Variants in CSMD1 observed in about 807,000 individuals in gnomAD.
CSMD1 encodes CUB and Sushi multiple domains 1.
CSMD1 carries 213 observed loss-of-function variants against 417.5 expected under a neutral mutation model. The observed-to-expected ratio is 0.51, with a 90% CI of 0.46 to 0.57. CSMD1 has a LOEUF of 0.57. Among genes scored for constraint, CSMD1 ranks in the 20% least tolerant of loss-of-function variants. The pLI, the probability that CSMD1 is intolerant of heterozygous loss-of-function variation, is 0.00. For missense variants in CSMD1, 6,923 were observed against 4,529.7 expected (o/e 1.53, Z -15.17); for synonymous variants, 2,862 against 1,736.8 (o/e 1.65, Z -16.11).
intron 3 of CSMD1, among the ~76,000 whole-genome samples, chr8:4,287,809 T>C (rs1024185514): frequency 1.2e-4 from 18 of 151,972 alleles, no homozygotes; most frequent in African/African-American, 3.1e-4. Context: ...CTCCAACCTC[T>C]CTGTGGCCCA....
At chr8:4,186,442 G>A (rs755244203) in intron 3 of CSMD1, among the ~76,000 whole-genome samples, 16 of 151,980 alleles carry the variant, frequency 1.1e-4, no homozygotes, top group South Asian at 2.1e-4. Context: ...CAGAGCCCAG[G>A]TTTCCACCTT....
chr8:3,547,343 T>G (rs139669080), intron 10 of CSMD1, among the ~76,000 whole-genome samples: 1 of 152,296 alleles, frequency 6.6e-6, no homozygotes, highest in Non-Finnish European at 1.5e-5. Flanking sequence ...AATGTAAAAT[T>G]TGTACGGTCG....
chr8:4,793,796 G>A (rs1797825109), intron 1 of CSMD1, among the ~76,000 whole-genome samples: 1 of 147,744 alleles, frequency 6.8e-6, no homozygotes, highest in Admixed American at 6.9e-5. Flanking sequence ...GACAAATCAT[G>A]GTCAGTGATC....
At chr8:4,587,640 C>G (rs1195909098) in intron 2 of CSMD1, among the ~76,000 whole-genome samples, 2 of 152,118 alleles carry the variant, frequency 1.3e-5, no homozygotes, top group African/African-American at 4.8e-5. Flanking sequence ...TGATCACGAT[C>G]TCATTTACTG....
intron 5 of CSMD1, among the ~76,000 whole-genome samples, chr8:3,871,513 A>G (rs1805479935): frequency 1.3e-5 from 2 of 152,330 alleles, no homozygotes; most frequent in East Asian, 1.9e-4. Context: ...TTGTATCTCC[A>G]TAATGAATAA....
intron 3 of CSMD1, among the ~76,000 whole-genome samples, chr8:4,202,530 ACT>A (rs1162046730): frequency 1.3e-5 from 2 of 152,058 alleles, no homozygotes; most frequent in African/African-American, 2.4e-5. Context: ...AAAATTTAAA[ACT>A]CTATTTGTCA....
At chr8:4,208,295 G>GA (rs1012350448) in intron 3 of CSMD1, among the ~76,000 whole-genome samples, 3 of 152,112 alleles carry the variant, frequency 2.0e-5, no homozygotes, top group East Asian at 3.9e-4. Context: ...AGAAGAATTA[G>GA]AAAAAAAGAC....
intron 1 of CSMD1, among the ~76,000 whole-genome samples, chr8:4,789,350 A>C (rs1336763770): frequency 6.6e-6 from 1 of 152,196 alleles, no homozygotes; most frequent in African/African-American, 2.4e-5. Flanking sequence ...ATAAAGTATG[A>C]ATTTCAGCTC....
intron 23 of CSMD1, among the ~76,000 whole-genome samples, chr8:3,324,191 A>ATCG (rs1806353344): frequency 9.4e-6 from 1 of 106,184 alleles, no homozygotes; most frequent in South Asian, 3.2e-4. Context: ...CCCACCTTTC[A>ATCG]TTGTTGTTAA....
intron 2 of CSMD1, among the ~76,000 whole-genome samples, chr8:4,575,629 A>T (rs1448558569): frequency 6.6e-6 from 1 of 152,194 alleles, no homozygotes; most frequent in East Asian, 1.9e-4. Flanking sequence ...AGTGCATTTG[A>T]ACTCCAGTTC....
intron 5 of CSMD1, among the ~76,000 whole-genome samples, chr8:3,971,940 T>C (rs77698590): frequency 2.6e-5 from 4 of 152,120 alleles, no homozygotes; most frequent in South Asian, 2.1e-4. Context: ...CAGGGTGTCA[T>C]TCTGTTGCCC....
At chr8:3,551,950 T>TG (rs2116787599) in intron 10 of CSMD1, among the ~76,000 whole-genome samples, 1 of 152,264 alleles carries the variant, frequency 6.6e-6, no homozygotes, top group Non-Finnish European at 1.5e-5. Context: ...AAGATGAGGC[T>TG]GCCACTGTGG....
intron 1 of CSMD1, among the ~76,000 whole-genome samples, chr8:4,743,646 C>G (rs1040960185): frequency 2.6e-4 from 39 of 152,134 alleles, no homozygotes; most frequent in African/African-American, 3.1e-4. Flanking sequence ...CCAATTTACA[C>G]CTTAATCATT....
rs150634522 is a variant in CSMD1 at position 3,188,026 on chromosome 8, G to C, written c.5524-61C>G. On this transcript the variant is annotated intron_variant, in intron 35 of 69. Coordinates refer to ENST00000635120, the MANE Select transcript of CSMD1 (RefSeq NM_033225.6). The stretch of plus-strand genomic sequence containing the variant: ...TGGCTTAACACAATTAGTCTAATTA[G>C]ATGGGGTTTTGGGGTTTTTCATGAT... 524 of 1,353,164 alleles carry C rather than the reference G, an allele frequency of 3.9e-4. 3 individuals are homozygous for C. The African/African-American group carries it at 6.8e-3, about 18-fold the overall frequency. The allele number at this position is 1,353,164 out of a possible 1,614,324, so 83.8% of individuals were successfully genotyped here. A position where few individuals can be genotyped will look rare whatever the true frequency, so the allele number is the denominator to read the frequency against.
Position 3,406,211 on chromosome 8 carries a change from C to G in CSMD1, c.2082G>C (p.Gln694His). 1 of 1,603,872 alleles carries G rather than the reference C, an allele frequency of 6.2e-7. No individual in the cohort carries two copies. The highest frequency in any genetic ancestry group is 8.5e-7 in the Non-Finnish European group (1 of 1,175,212). Residue 694 changes from glutamine to histidine, a missense_variant, in exon 15 of 70, where the codon CAG becomes CAC. Coordinates refer to ENST00000635120, the MANE Select transcript of CSMD1 (RefSeq NM_033225.6). ...GAATGCCAGGATCATGGCACTCATT[C>G]TGACCAAATGCTGAAAGAAAAAGAA... ...GFNITYTTFG[Q>H]NECHDPGIPI...
chr8:4,657,355 T>C (rs79613268), intron 1 of CSMD1, among the ~76,000 whole-genome samples: 1 of 152,122 alleles, frequency 6.6e-6, no homozygotes, highest in South Asian at 2.1e-4. Flanking sequence ...ATTTTCATTT[T>C]TGTTTTGTAT....
chr8:3,301,378 T>C (rs1298084049), intron 25 of CSMD1, among the ~76,000 whole-genome samples: 1 of 152,054 alleles, frequency 6.6e-6, no homozygotes, highest in Non-Finnish European at 1.5e-5. Context: ...CACAGAAGTG[T>C]GGGAGCTAGT....
intron 1 of CSMD1, among the ~76,000 whole-genome samples, chr8:4,914,641 C>T (rs1805932238): frequency 6.6e-6 from 1 of 150,754 alleles, no homozygotes; most frequent in South Asian, 2.1e-4. Context: ...TTAACTTCTG[C>T]AAGTTTTGTA....
At chr8:2,988,364 A>T (rs71521804) in intron 54 of CSMD1, among the ~76,000 whole-genome samples, 1 of 152,212 alleles carries the variant, frequency 6.6e-6, no homozygotes, top group African/African-American at 2.4e-5. Flanking sequence ...AAAAGAAAAA[A>T]CAATATCTTA....
Sources: gnomAD v4.1 joint callset for allele counts (sites outside exome capture counted in the v4.1 genomes callset) on GRCh38, gnomAD v4.1.1 for gene constraint, MANE v1.5 for transcripts, NCBI Gene and HGNC (gene_info 2026-07-23, HGNC 2026-07-21) for gene names.